The following CRPPA variants were observed in gnomAD, a reference collection of about 807,000 sequenced individuals.
CRPPA encodes D-ribitol-5-phosphate cytidylyltransferase.
Under a neutral mutation model 52.0 loss-of-function variants are expected in CRPPA, and 43 were observed. The ratio of observed to expected loss-of-function variants is 0.83; its 90% confidence interval spans 0.65 to 1.07. The LOEUF is 1.07. Among genes scored for constraint, CRPPA ranks in the 50% least tolerant of loss-of-function variants. The pLI is 0.00. For synonymous variants in CRPPA, 250 were observed against 203.5 expected, an observed-to-expected ratio of 1.23 and a Z score of -1.94; for missense variants, 629 against 551.7, an observed-to-expected ratio of 1.14 and a Z score of -1.40.
chr7:16,300,722 A>G (rs1215185548), intron 5 of CRPPA, among the ~76,000 whole-genome samples: 1 of 152,228 alleles, frequency 6.6e-6, no homozygotes, highest in East Asian at 1.9e-4. Context: ...TAAAATGCCA[A>G]TATAGTGCCA....
chr7:16,396,156 A>G (rs1787563371), intron 2 of CRPPA, among the ~76,000 whole-genome samples: 1 of 152,218 alleles, frequency 6.6e-6, no homozygotes, highest in African/African-American at 2.4e-5. Flanking sequence ...AGCCAGGAAA[A>G]AAACATTATC....
At chr7:16,333,660 G>T (rs562508840) in intron 3 of CRPPA, among the ~76,000 whole-genome samples, 9 of 152,212 alleles carry the variant, frequency 5.9e-5, no homozygotes, top group Admixed American at 5.9e-4. Flanking sequence ...GTAAGTAGAA[G>T]AAATCAATAA....
At chr7:16,378,941 C>G (rs1336894407) in intron 2 of CRPPA, among the ~76,000 whole-genome samples, 2 of 151,992 alleles carry the variant, frequency 1.3e-5, no homozygotes, top group Non-Finnish European at 2.9e-5. Flanking sequence ...CTCCTTCACC[C>G]ACTTTTTGAT....
At chr7:16,110,083 A>C (rs1004557476) in intron 9 of CRPPA, among the ~76,000 whole-genome samples, 1 of 152,096 alleles carries the variant, frequency 6.6e-6, no homozygotes, top group African/African-American at 2.4e-5. Flanking sequence ...CATATACAGT[A>C]AGGTTGCAAA....
chr7:16,273,468 C>T (rs149558684), intron 6 of CRPPA, among the ~76,000 whole-genome samples: 24 of 151,920 alleles, frequency 1.6e-4, no homozygotes, highest in Non-Finnish European at 8.8e-5. Context: ...TTCAGAAGGA[C>T]GGCTTGACGG....
At chr7:16,330,252 C>T (rs541236663) in intron 3 of CRPPA, among the ~76,000 whole-genome samples, 13 of 152,246 alleles carry the variant, frequency 8.5e-5, no homozygotes, top group South Asian at 2.1e-4. Flanking sequence ...CCAAACTGTA[C>T]GACACAGCTT....
intron 3 of CRPPA, among the ~76,000 whole-genome samples, chr7:16,366,575 T>A (rs878957522): frequency 6.6e-5 from 10 of 152,096 alleles, no homozygotes; most frequent in African/African-American, 1.7e-4. Flanking sequence ...TGAAAACAGA[T>A]AAAAGTAATT....
chr7:16,356,013 T>C (rs1353231878), intron 3 of CRPPA, among the ~76,000 whole-genome samples: 1 of 151,546 alleles, frequency 6.6e-6, no homozygotes, highest in African/African-American at 2.4e-5. Context: ...ACAACTTACA[T>C]GCCCTAGCTA....
chr7:16,305,096 A>C (rs1241032836), intron 4 of CRPPA, among the ~76,000 whole-genome samples: 2 of 152,220 alleles, frequency 1.3e-5, no homozygotes, highest in African/African-American at 4.8e-5. Context: ...TACTCTCATC[A>C]TACAAAATAA....
rs531741504 is a variant in CRPPA at position 16,088,203 on chromosome 7, G to C, written c.*3492C>G. On this transcript the variant is annotated 3_prime_UTR_variant, in exon 10 of 10. Transcript: ENST00000407010. ...CTCCTAAGACGACTAACTTTAATTT[G>C]CATTTAACTAACTAGCGTAAGTTTA... The C allele has an allele frequency of 6.6e-6, 1 of 152,062 alleles. No individual in the cohort carries two copies. Among genetic ancestry groups the C allele is most frequent in the Non-Finnish European group, 1.5e-5 (1 of 68,020 alleles). The allele number at this position is 152,062 out of a possible 1,614,324, so 9.4% of individuals were successfully genotyped here.
At chr7:16,358,680 T>C (rs1786367354) in intron 3 of CRPPA, among the ~76,000 whole-genome samples, 1 of 152,190 alleles carries the variant, frequency 6.6e-6, no homozygotes. Flanking sequence ...CATTTCAGAG[T>C]AACTACTTGA....
At chr7:16,268,686 T>C (rs1784017868) in intron 6 of CRPPA, among the ~76,000 whole-genome samples, 1 of 152,192 alleles carries the variant, frequency 6.6e-6, no homozygotes, top group Non-Finnish European at 1.5e-5. Context: ...TTTTAAACAG[T>C]ACATTTCTAG....
chr7:16,136,631 T>C (rs1223597421), intron 9 of CRPPA, among the ~76,000 whole-genome samples: 2 of 152,176 alleles, frequency 1.3e-5, no homozygotes, highest in Non-Finnish European at 1.5e-5. Flanking sequence ...AAGGAACTCA[T>C]AGTTACTGTT....
intron 8 of CRPPA, among the ~76,000 whole-genome samples, chr7:16,226,315 A>T (rs1401421257): frequency 2.0e-5 from 3 of 151,986 alleles, no homozygotes; most frequent in Admixed American, 1.3e-4. Context: ...TAGACAAAAA[A>T]TATAATAACA....
chr7:16,194,738 A>T (rs1485653283), intron 9 of CRPPA, among the ~76,000 whole-genome samples: 13 of 152,186 alleles, frequency 8.5e-5, no homozygotes, highest in Admixed American at 8.5e-4. Context: ...ATGAAGACAA[A>T]GACCAAACTG....
At chr7:16,134,631 T>A (rs888679214) in intron 9 of CRPPA, among the ~76,000 whole-genome samples, 3 of 152,186 alleles carry the variant, frequency 2.0e-5, no homozygotes, top group Admixed American at 1.3e-4. Flanking sequence ...TTCAAGGGTA[T>A]AATAATCAAT....
At chr7:16,111,515 G>A (rs185145415) in intron 9 of CRPPA, among the ~76,000 whole-genome samples, 1 of 152,264 alleles carries the variant, frequency 6.6e-6, no homozygotes, top group Admixed American at 6.5e-5. Context: ...CAAGTTATGG[G>A]ATTAATATAA....
intron 8 of CRPPA, chr7:16,237,337 T>C (rs1469486377): frequency 6.6e-6 from 1 of 152,156 alleles, no homozygotes. Flanking sequence ...CAAGATCAGA[T>C]TGCCAGCATC....
At chr7:16,396,619 C>A (rs934157956) in intron 2 of CRPPA, among the ~76,000 whole-genome samples, 2 of 152,348 alleles carry the variant, frequency 1.3e-5, no homozygotes, top group South Asian at 2.1e-4. Context: ...AAGATACTTA[C>A]ACATGCATAT....
Sources: allele counts gnomAD v4.1 joint callset (sites outside exome capture counted in the v4.1 genomes callset), GRCh38; gene constraint gnomAD v4.1.1; transcripts MANE v1.5; gene names NCBI Gene and HGNC (gene_info 2026-07-23, HGNC 2026-07-21).